The following FAAH2 variants were observed in gnomAD, a reference collection of about 807,000 sequenced individuals.
FAAH2 encodes fatty acid amide hydrolase 2.
Under a neutral mutation model 36.9 loss-of-function variants are expected in FAAH2, and 60 were observed. That is an observed-to-expected ratio of 1.63 (90% CI 1.32 to 2.02). The LOEUF is 2.02. FAAH2 is among the 30% of genes most tolerant of loss of function. FAAH2 has a pLI of 0.00. For synonymous variants in FAAH2, 214 were observed against 143.8 expected, an observed-to-expected ratio of 1.49 and a Z score of -3.49; for missense variants, 689 against 397.5, an observed-to-expected ratio of 1.73 and a Z score of -6.23.
the FAAH2 span, among the ~76,000 whole-genome samples, chrX:57,174,674 G>C: frequency 2.7e-5 from 3 of 111,145 alleles, no homozygotes; most frequent in African/African-American, 9.8e-5. Flanking sequence ...TTGTCAGGTT[G>C]TCAATTTGTG....
chrX:57,163,508 G>A, the FAAH2 span, among the ~76,000 whole-genome samples: 1 of 111,719 alleles, frequency 9.0e-6, no homozygotes, highest in African/African-American at 3.3e-5. Flanking sequence ...CTAGCAATCA[G>A]GGAGACTCCG....
chrX:57,420,009 G>A (rs1404814248), intron 7 of FAAH2, among the ~76,000 whole-genome samples: 1 of 111,633 alleles, frequency 9.0e-6, no homozygotes, highest in African/African-American at 3.3e-5. Context: ...TCTCAGGTTT[G>A]TCAAAGATCA....
chrX:57,252,290 G>A, the FAAH2 span, among the ~76,000 whole-genome samples: 6 of 112,853 alleles, frequency 5.3e-5, no homozygotes, highest in Non-Finnish European at 3.7e-5. Context: ...TGCCTTTCTA[G>A]ATTCCACCTC....
intron 7 of FAAH2, among the ~76,000 whole-genome samples, chrX:57,426,762 G>T (rs1188345352): frequency 2.7e-5 from 3 of 111,115 alleles, no homozygotes; most frequent in African/African-American, 9.8e-5. Context: ...TATTTACATG[G>T]AAGTTTATAA....
chrX:57,287,047 G>C, intron 1 of FAAH2, 30 bp downstream of exon 1: 1 of 1,128,503 alleles, frequency 8.9e-7, no homozygotes. Context: ...GAGGCTGGAG[G>C]GACAGGTCTT....
the FAAH2 span, among the ~76,000 whole-genome samples, chrX:57,270,343 T>C: frequency 1.8e-5 from 2 of 111,621 alleles, no homozygotes; most frequent in Admixed American, 1.9e-4. Context: ...TTGAGGAGAA[T>C]GGACGCCTCC....
chrX:57,265,862 G>T, the FAAH2 span, among the ~76,000 whole-genome samples: 1 of 111,665 alleles, frequency 9.0e-6, no homozygotes, highest in East Asian at 2.9e-4. Flanking sequence ...GCTTTTTTAC[G>T]TGGTTCCCTG....
the FAAH2 span, among the ~76,000 whole-genome samples, chrX:57,152,812 A>T: frequency 2.7e-5 from 3 of 111,028 alleles, no homozygotes; most frequent in Non-Finnish European, 5.7e-5. Context: ...AGTGAGATGA[A>T]CCCGGTACCT....
At chrX:57,268,290 C>G in the FAAH2 span, among the ~76,000 whole-genome samples, 2 of 110,576 alleles carry the variant, frequency 1.8e-5, no homozygotes, top group African/African-American at 3.3e-5. Flanking sequence ...GGCAGGCAGA[C>G]AAGAATAGAT....
At chrX:57,446,673 C>T (rs984409590) in intron 8 of FAAH2, among the ~76,000 whole-genome samples, 3 of 111,619 alleles carry the variant, frequency 2.7e-5, no homozygotes, top group African/African-American at 6.5e-5. Flanking sequence ...TAGGCTCATA[C>T]GTATGTGATG....
At chrX:57,190,424 T>C in the FAAH2 span, among the ~76,000 whole-genome samples, 1 of 102,371 alleles carries the variant, frequency 9.8e-6, no homozygotes, top group Admixed American at 1.1e-4. Flanking sequence ...CTCGCTTGGG[T>C]TCCAGGTGCC....
chrX:57,442,331 T>A (rs2056577723), intron 8 of FAAH2, among the ~76,000 whole-genome samples: 2 of 112,077 alleles, frequency 1.8e-5, no homozygotes, highest in Admixed American at 1.9e-4. Context: ...AGTTAGCTCT[T>A]CTTGTTGAAT....
the FAAH2 span, among the ~76,000 whole-genome samples, chrX:57,217,242 C>T: frequency 0.084 from 7,403 of 88,635 alleles, 693 homozygotes; most frequent in African/African-American, 0.32. Flanking sequence ...TTTACTTTGA[C>T]GACTGTTTTT....
chrX:57,225,630 T>A, the FAAH2 span, among the ~76,000 whole-genome samples: 1 of 112,072 alleles, frequency 8.9e-6, no homozygotes, highest in East Asian at 2.8e-4. Context: ...TTGGATGAAA[T>A]GCTCTGTAGA....
At chrX:57,163,070 C>T in the FAAH2 span, among the ~76,000 whole-genome samples, 1 of 111,860 alleles carries the variant, frequency 8.9e-6, no homozygotes, top group South Asian at 3.8e-4. Context: ...TGTTAGTTTT[C>T]CTTCTAACAG....
At chrX:57,376,714 G>A (rs770641667) in intron 5 of FAAH2, among the ~76,000 whole-genome samples, 26 of 111,853 alleles carry the variant, frequency 2.3e-4, no homozygotes, top group African/African-American at 7.1e-4. Flanking sequence ...GTTCTAGATC[G>A]TTGAGGAATC....
At chrX:57,248,555 A>G in the FAAH2 span, among the ~76,000 whole-genome samples, 8,110 of 109,184 alleles carry the variant, frequency 0.074, 778 homozygotes, top group African/African-American at 0.26. Context: ...GGAGTTTGAG[A>G]ACAGCCTGAT....
intron 10 of FAAH2, among the ~76,000 whole-genome samples, chrX:57,473,427 A>G (rs895224389): frequency 9.0e-6 from 1 of 111,527 alleles, no homozygotes; most frequent in African/African-American, 3.2e-5. Context: ...ATGCGTTGAG[A>G]CTTGCTTTCT....
the FAAH2 span, among the ~76,000 whole-genome samples, chrX:57,123,558 G>A: frequency 0.28 from 30,730 of 111,084 alleles, 3,293 homozygotes; most frequent in Middle Eastern, 0.54. Flanking sequence ...TCTAATTCTA[G>A]AACCCTGAGG....
Sources: allele counts gnomAD v4.1 joint callset (sites outside exome capture counted in the v4.1 genomes callset), GRCh38; gene constraint gnomAD v4.1.1; transcripts MANE v1.5; gene names NCBI Gene and HGNC (gene_info 2026-07-23, HGNC 2026-07-21).